Variants in ROR2 observed in about 807,000 individuals in gnomAD.
ROR2 encodes tyrosine-protein kinase transmembrane receptor ROR2.
Under a neutral mutation model 74.9 loss-of-function variants are expected in ROR2, and 33 were observed. The observed-to-expected ratio is 0.44, with a 90% CI of 0.33 to 0.59. ROR2 has a LOEUF of 0.59. Among genes scored for constraint, ROR2 ranks in the 20% least tolerant of loss-of-function variants. The pLI is 0.02. For synonymous variants in ROR2, 586 were observed against 558.7 expected (o/e 1.05, Z -0.69); for missense variants, 1,216 against 1,313.8 (o/e 0.93, Z 1.15).
intron 1 of ROR2, among the ~76,000 whole-genome samples, chr9:91,814,432 G>T (rs868183479): frequency 6.6e-6 from 1 of 152,104 alleles, no homozygotes; most frequent in Non-Finnish European, 1.5e-5. Flanking sequence ...CCATCATTCA[G>T]GTGAGACAGG....
At chr9:91,739,978 C>G (rs754843649) in intron 4 of ROR2, among the ~76,000 whole-genome samples, 2 of 152,190 alleles carry the variant, frequency 1.3e-5, no homozygotes, top group Non-Finnish European at 2.9e-5. Flanking sequence ...CATGCCTGAT[C>G]AGATTAATGT....
chr9:91,776,115 C>T (rs753627936), intron 1 of ROR2, among the ~76,000 whole-genome samples: 5 of 152,086 alleles, frequency 3.3e-5, no homozygotes, highest in Non-Finnish European at 5.9e-5. Flanking sequence ...GGACAGAGAG[C>T]GGGAAGGAGA....
At chr9:91,808,952 G>A (rs999892791) in intron 1 of ROR2, among the ~76,000 whole-genome samples, 8 of 151,624 alleles carry the variant, frequency 5.3e-5, no homozygotes, top group African/African-American at 1.9e-4. Flanking sequence ...GCAGTGAGCT[G>A]AGATCGCGCC....
chr9:91,737,479 C>G lies in ROR2; in HGVS notation c.534G>C (p.Arg178=). The G allele has an allele frequency of 6.2e-7, 1 of 1,614,206 alleles. No individual in the cohort carries two copies. Among genetic ancestry groups the G allele is most frequent in the Non-Finnish European group, 8.5e-7 (1 of 1,180,042 alleles). ...CAATGAAGCGTGCACAGGCAATTCC[C>G]CGGTAAGGCTGGCAGAACCCATCCT... ...YHEDGFCQPY[R]GIACARFIGN... Residue 178 remains arginine, a synonymous_variant, in exon 5 of 9, where the codon CGG becomes CGC. Coordinates refer to ENST00000375708, the MANE Select transcript of ROR2 (RefSeq NM_004560.4).
intron 4 of ROR2, among the ~76,000 whole-genome samples, chr9:91,738,905 C>T (rs1372547613): frequency 6.6e-6 from 1 of 152,188 alleles, no homozygotes; most frequent in Non-Finnish European, 1.5e-5. Context: ...GAATTATTTT[C>T]TGCAGAAACT....
intron 1 of ROR2, among the ~76,000 whole-genome samples, chr9:91,934,094 T>C (rs1831620070): frequency 6.6e-6 from 1 of 151,806 alleles, no homozygotes; most frequent in African/African-American, 2.4e-5. Context: ...GTCTGTTCAG[T>C]GTGTTTATGG....
chr9:91,839,528 G>C (rs1828721549), intron 1 of ROR2, among the ~76,000 whole-genome samples: 5 of 151,838 alleles, frequency 3.3e-5, no homozygotes. Context: ...CGTGTATGTT[G>C]TGGGGAGGTA....
intron 4 of ROR2, among the ~76,000 whole-genome samples, chr9:91,745,241 TCA>T (rs1169609752): frequency 1.3e-5 from 2 of 151,482 alleles, no homozygotes; most frequent in Non-Finnish European, 2.9e-5. Flanking sequence ...TTCTCCTGCC[TCA>T]GTCTCCCAAG....
At chr9:91,725,157 G>T in intron 8 of ROR2, 50 bp from the exon 9 acceptor site, 1 of 1,607,936 alleles carries the variant, frequency 6.2e-7, no homozygotes. Context: ...CCGCAGCCCT[G>T]GAGGAAGCTG....
intron 2 of ROR2, among the ~76,000 whole-genome samples, chr9:91,759,024 C>T (rs994278464): frequency 3.3e-5 from 5 of 152,280 alleles, no homozygotes; most frequent in Non-Finnish European, 1.5e-5. Flanking sequence ...AAAACAGATA[C>T]ATCCATGTTC....
At chr9:91,726,346 C>T (rs77544804) in intron 8 of ROR2, among the ~76,000 whole-genome samples, 195 bp downstream of exon 8, 3 of 152,138 alleles carry the variant, frequency 2.0e-5, no homozygotes, top group Non-Finnish European at 2.9e-5. Flanking sequence ...ATTCCCAACA[C>T]GCCTGCCATT....
chr9:91,812,850 C>A (rs1827806524), intron 1 of ROR2, among the ~76,000 whole-genome samples: 1 of 152,182 alleles, frequency 6.6e-6, no homozygotes, highest in Non-Finnish European at 1.5e-5. Context: ...TGTTGACTTA[C>A]AGAGCTCAAT....
At chr9:91,946,535 G>A (rs558785320) in intron 1 of ROR2, among the ~76,000 whole-genome samples, 2 of 152,324 alleles carry the variant, frequency 1.3e-5, no homozygotes, top group South Asian at 4.1e-4. Context: ...CAAAAGGAAA[G>A]GCCTGTCATC....
chr9:91,748,053 G>C (rs1356293771), intron 4 of ROR2, among the ~76,000 whole-genome samples: 1 of 152,204 alleles, frequency 6.6e-6, no homozygotes, highest in Non-Finnish European at 1.5e-5. Context: ...CCTGGGGTCA[G>C]GAGTTCGAGA....
At chr9:91,901,681 T>A (rs1381912121) in intron 1 of ROR2, among the ~76,000 whole-genome samples, 3 of 151,592 alleles carry the variant, frequency 2.0e-5, no homozygotes, top group Non-Finnish European at 2.9e-5. Context: ...CCAGGCATGG[T>A]GGCATGCGCT....
At chr9:91,915,579 C>A (rs993610354) in intron 1 of ROR2, among the ~76,000 whole-genome samples, 4 of 150,084 alleles carry the variant, frequency 2.7e-5, no homozygotes, top group Non-Finnish European at 4.4e-5. Flanking sequence ...TTGTGAAGAG[C>A]GAAAGAACAA....
chr9:91,786,893 CG>C (rs1564276058), intron 1 of ROR2, among the ~76,000 whole-genome samples: 1 of 152,110 alleles, frequency 6.6e-6, no homozygotes, highest in East Asian at 1.9e-4. Context: ...AGAGGAGCTA[CG>C]GAACTTCAAA....
At chr9:91,767,033 C>A (rs530430316) in intron 2 of ROR2, among the ~76,000 whole-genome samples, 14 of 152,250 alleles carry the variant, frequency 9.2e-5, no homozygotes, top group African/African-American at 3.1e-4. Flanking sequence ...ACAGAGGAAT[C>A]CCCTCACTGC....
intron 1 of ROR2, among the ~76,000 whole-genome samples, chr9:91,798,618 ATGACACCCTGGGCTCTGTGGGCGAGC>A (rs1312147902): frequency 0.046 from 4,651 of 101,980 alleles, 336 homozygotes; most frequent in African/African-American, 0.19. Context: ...TGGGTGGGGA[ATGACACCCTGGGCTCTGTGGGCGAGC>A]TGACACCCTG....
Sources: gnomAD v4.1 joint callset for allele counts (sites outside exome capture counted in the v4.1 genomes callset) on GRCh38, gnomAD v4.1.1 for gene constraint, MANE v1.5 for transcripts, NCBI Gene and HGNC (gene_info 2026-07-23, HGNC 2026-07-21) for gene names.